CAPRIN1: variants seen among roughly 807,000 people sequenced by gnomAD.
CAPRIN1 encodes caprin-1.
Under a neutral mutation model 100.9 loss-of-function variants are expected in CAPRIN1, and 29 were observed. That is an observed-to-expected ratio of 0.29 (90% CI 0.21 to 0.39). CAPRIN1 has a LOEUF of 0.39. CAPRIN1 is among the 10% of genes least tolerant of loss of function. The pLI, the probability that CAPRIN1 is intolerant of heterozygous loss-of-function variation, is 1.00. For missense variants in CAPRIN1, 795 were observed against 876.7 expected (o/e 0.91, Z 1.18); for synonymous variants, 338 against 307.5 (o/e 1.10, Z -1.04).
chr11:34,069,659 A>AATTC (rs139488088), intron 2 of CAPRIN1, among the ~76,000 whole-genome samples: 11 of 151,874 alleles, frequency 7.2e-5, no homozygotes, highest in African/African-American at 2.4e-4. Flanking sequence ...GTAAAAAAAA[A>AATTC]TTTTTTTCCC....
intron 7 of CAPRIN1, among the ~76,000 whole-genome samples, chr11:34,080,405 G>A (rs1851004142): frequency 6.6e-6 from 1 of 152,136 alleles, no homozygotes; most frequent in African/African-American, 2.4e-5. Flanking sequence ...TTTTCAAATA[G>A]GTTTCTGTCT....
intron 2 of CAPRIN1, among the ~76,000 whole-genome samples, chr11:34,061,957 G>A (rs768404903): frequency 6.2e-4 from 76 of 123,212 alleles, no homozygotes; most frequent in Non-Finnish European, 8.0e-4. Context: ...GTGACACAGC[G>A]AGAGTCTGTC....
intron 3 of CAPRIN1, 23 bp from the exon 4 acceptor site, chr11:34,071,878 G>A (rs754219987): frequency 1.2e-6 from 2 of 1,604,920 alleles, no homozygotes; most frequent in Non-Finnish European, 1.7e-6. Context: ...TTCCAGTAAA[G>A]TTTGGGTTCT....
chr11:34,052,669 C>A, intron 2 of CAPRIN1, 33 bp downstream of exon 2: 3 of 1,570,930 alleles, frequency 1.9e-6, no homozygotes, highest in Non-Finnish European at 2.6e-6. Flanking sequence ...GGAGGGGTGG[C>A]TGCGGCCGGG....
chr11:34,092,468 C>T (rs1289853062), intron 15 of CAPRIN1, among the ~76,000 whole-genome samples: 1 of 151,932 alleles, frequency 6.6e-6, no homozygotes, highest in Admixed American at 6.6e-5. Flanking sequence ...GCAATCCTCC[C>T]TACCTCAGCC....
intron 18 of CAPRIN1, chr11:34,098,701 A>G: frequency 3.0e-6 from 3 of 985,352 alleles, no homozygotes; most frequent in South Asian, 4.7e-5. Flanking sequence ...AATGTGGGTT[A>G]TGTTCTTTCC....
chr11:34,086,004 G>T, intron 9 of CAPRIN1, 60 bp from the exon 10 acceptor site: 3 of 1,428,966 alleles, frequency 2.1e-6, no homozygotes, highest in Non-Finnish European at 2.9e-6. Context: ...CCATCATGGT[G>T]GTAGTGAGTG....
At chr11:34,054,654 C>T (rs1850409931) in intron 2 of CAPRIN1, among the ~76,000 whole-genome samples, 3 of 152,274 alleles carry the variant, frequency 2.0e-5, no homozygotes, top group African/African-American at 7.2e-5. Context: ...GTCTCGATCT[C>T]TTGACCTCCT....
chr11:34,079,258 G>T (rs1850964036), intron 6 of CAPRIN1, among the ~76,000 whole-genome samples: 1 of 152,122 alleles, frequency 6.6e-6, no homozygotes, highest in Non-Finnish European at 1.5e-5. Context: ...AAATTGGCTG[G>T]ACGTGGTGGT....
At chr11:34,065,976 A>G (rs979920755) in intron 2 of CAPRIN1, among the ~76,000 whole-genome samples, 6 of 152,186 alleles carry the variant, frequency 3.9e-5, no homozygotes, top group Non-Finnish European at 7.3e-5. Context: ...GAAAAATGTT[A>G]TATGGATGAC....
rs1020889836 is a variant in CAPRIN1, at chr11:34,055,671, G to T, written c.216+3035G>T. 2.6e-5 allele frequency: 4 copies of T among 152,128 alleles called. No individual in the cohort carries two copies. In the South Asian group the frequency reaches 8.3e-4, roughly 32 times the overall value. The allele number at this position is 152,128 out of a possible 1,614,324, so 9.4% of individuals were successfully genotyped here. A position where few individuals can be genotyped will look rare whatever the true frequency, so the allele number is the denominator to read the frequency against. ...AGAAAATAATGTAATTATTACATAG[G>T]TTATTAACTAGGCTAATACATACTG... On this transcript the variant is annotated intron_variant, in intron 2 of 18. Transcript: ENST00000341394.
intron 2 of CAPRIN1, among the ~76,000 whole-genome samples, chr11:34,063,976 C>T (rs533347194): frequency 2.3e-4 from 35 of 152,210 alleles, no homozygotes; most frequent in African/African-American, 7.7e-4. Context: ...CCATGTTGGT[C>T]AGGCTGGTCT....
At chr11:34,099,242 T>A (rs1851417429) in intron 18 of CAPRIN1, 61 bp from the exon 19 acceptor site, 1 of 1,593,714 alleles carries the variant, frequency 6.3e-7, no homozygotes, top group East Asian at 2.2e-5. Flanking sequence ...GATGAAAATC[T>A]GCTTGAAGGC....
chr11:34,065,780 A>C (rs982377301), intron 2 of CAPRIN1, among the ~76,000 whole-genome samples: 2 of 152,176 alleles, frequency 1.3e-5, no homozygotes, highest in Non-Finnish European at 2.9e-5. Context: ...TTTCTTAATA[A>C]GTTTTGGTAT....
At chr11:34,072,058 C>T in intron 4 of CAPRIN1, 71 bp downstream of exon 4, 1 of 955,920 alleles carries the variant, frequency 1.0e-6, no homozygotes, top group Non-Finnish European at 1.6e-6. Context: ...CCTTCCATTA[C>T]TATTGATAAG....
chr11:34,096,644 G>A lies in CAPRIN1; in HGVS notation c.1871G>A (p.Gly624Glu), dbSNP rs1851371685. 6 of 1,605,622 alleles carry A rather than the reference G, an allele frequency of 3.7e-6. No individual in the cohort carries two copies. The highest frequency in any genetic ancestry group is 4.3e-6 in the Non-Finnish European group (5 of 1,173,068). The change falls in exon 16 of 19, where the codon GGA (glycine) becomes GAA (glutamate). Residue 624 changes from glycine to glutamate, a missense_variant. By Grantham distance (98) the Gly-to-Glu change is moderately conservative (BLOSUM62 -2). Transcript: ENST00000341394. The part of the protein sequence containing the change: ...GSRGARGLMN[G>E]YRGPANGFRG... Reference sequence around the variant, plus strand: ...CGTGGTGCTAGAGGCTTGATGAATGGATACCGGGGCCCTGCCAATGGATTC... The same window carrying A: ...CGTGGTGCTAGAGGCTTGATGAATGAATACCGGGGCCCTGCCAATGGATTC...
chr11:34,088,674 G>A (rs1437593688), intron 11 of CAPRIN1, among the ~76,000 whole-genome samples: 2 of 151,818 alleles, frequency 1.3e-5, no homozygotes, highest in African/African-American at 4.8e-5. Context: ...CCCTGTTTCA[G>A]AAGAAACAAA....
At chr11:34,090,008 A>G (rs905587990) in intron 12 of CAPRIN1, 171 bp from the exon 13 acceptor site, 2 of 396,850 alleles carry the variant, frequency 5.0e-6, no homozygotes, top group East Asian at 8.1e-5. Context: ...ATATTTTTGC[A>G]ATTTTTAGGT....
chr11:34,052,539 A>G lies in CAPRIN1; in HGVS notation c.119A>G (p.Gln40Arg). Residue 40 changes from glutamine (Q) to arginine (R), a missense_variant, in exon 2 of 19, where the codon CAG (glutamine) becomes CGG (arginine). Physicochemically the swap from Gln to Arg is conservative, Grantham distance 43 (BLOSUM62 1). Transcript: ENST00000341394. Reference protein sequence around the residue: ...AGAGAAAPASQHPATGTGAVQ... With the variant: ...AGAGAAAPASRHPATGTGAVQ... ...GCCGGGGCCGCCGCGCCGGCTTCTC[A>G]GCACCCCGCAACCGGCACCGGCGCT... The G allele has an allele frequency of 2.5e-6, 4 of 1,608,008 alleles. No homozygotes were observed. Among genetic ancestry groups the G allele is most frequent in the Non-Finnish European group, 3.4e-6 (4 of 1,178,006 alleles).
Sources: gnomAD v4.1 joint callset for allele counts (sites outside exome capture counted in the v4.1 genomes callset) on GRCh38, gnomAD v4.1.1 for gene constraint, MANE v1.5 for transcripts, NCBI Gene and HGNC (gene_info 2026-07-23, HGNC 2026-07-21) for gene names.